ECE1: variants seen among roughly 807,000 people sequenced by gnomAD.
ECE1 encodes endothelin converting enzyme 1.
A neutral mutation model predicts 98.6 loss-of-function variants in ECE1; 35 were observed. The observed-to-expected ratio is 0.35, with a 90% confidence interval of 0.27 to 0.47. The LOEUF is 0.47. ECE1 is among the 20% of genes least tolerant of loss of function. The probability of loss-of-function intolerance (pLI) is 1.00; values close to 1 mark genes in which losing one functional copy is unlikely to be tolerated. For missense variants in ECE1, 814 were observed against 1,025.3 expected (o/e 0.79, Z 2.81); for synonymous variants, 394 against 407.1 (o/e 0.97, Z 0.39).
intron 1 of ECE1, chr1:21,299,756 A>G (rs1266592454): frequency 6.6e-6 from 1 of 152,248 alleles, no homozygotes; most frequent in Non-Finnish European, 1.5e-5. Context: ...TGTGAAGATA[A>G]AACGAGTAAC....
intron 10 of ECE1, among the ~76,000 whole-genome samples, chr1:21,244,653 A>G (rs925496788): frequency 1.3e-5 from 2 of 152,188 alleles, no homozygotes; most frequent in Admixed American, 6.5e-5. Flanking sequence ...TCTAAGGACC[A>G]GGTGCTGTTC....
In ECE1 at chr1:21,219,514, A is replaced by G. The variant is rs1434424244; in HGVS notation, c.*441T>C. ...CACAGGTTATTTAGAAAAACAGAAC[A>G]TAATAAATATACCAATTCTTTCCTT... On this transcript the variant is annotated 3_prime_UTR_variant, in exon 19 of 19. Transcript: ENST00000374893. The surrounding 1 kb of genome is among the most constrained non-coding windows in gnomAD (Gnocchi z 4.5). 1 of 188,844 alleles carries G rather than the reference A, an allele frequency of 5.3e-6. No homozygotes were observed. Among genetic ancestry groups the G allele is most frequent in the African/African-American group, 2.3e-5 (1 of 42,984 alleles). The allele number at this position is 188,844 out of a possible 1,614,324, so 11.7% of individuals were successfully genotyped here. A position where few individuals can be genotyped will look rare whatever the true frequency, so the allele number is the denominator to read the frequency against.
chr1:21,330,127 T>G lies in ECE1; in HGVS notation c.3+15249A>C, dbSNP rs569752104. On this transcript the variant is annotated intron_variant, in intron 1 of 18. Transcript: ENST00000415912. ...TAAAGGCTCCTGCCCACATACTCACTAAATACTTTTTTTTTTTTTTTTTTT... is the reference window on the plus strand; with the variant it reads ...TAAAGGCTCCTGCCCACATACTCACGAAATACTTTTTTTTTTTTTTTTTTT... Among the ~76,000 whole-genome samples the G allele has an allele frequency of 6.4e-3, 842 of 132,322 alleles. 9 individuals carry two copies. The highest frequency in any genetic ancestry group is 0.021 in the South Asian group (81 of 3,844). 86.8% of individuals were successfully genotyped at this position (132,322 alleles called of 152,430 possible). A position where few individuals can be genotyped will look rare whatever the true frequency, so the allele number is the denominator to read the frequency against.
intron 2 of ECE1, among the ~76,000 whole-genome samples, chr1:21,289,072 T>C (rs947338983): frequency 1.3e-5 from 2 of 152,032 alleles, no homozygotes; most frequent in African/African-American, 2.4e-5. Context: ...CTGAGTGGAG[T>C]GGGCCTGGCA....
chr1:21,267,956 G>A (rs2098235983), intron 4 of ECE1, among the ~76,000 whole-genome samples: 1 of 152,246 alleles, frequency 6.6e-6, no homozygotes, highest in Non-Finnish European at 1.5e-5. Context: ...AGGGAGACTG[G>A]AAGGCAGACT....
chr1:21,290,775 GT>G (rs1268941397), upstream of ECE1, among the ~76,000 whole-genome samples: 4 of 152,218 alleles, frequency 2.6e-5, no homozygotes, highest in African/African-American at 9.6e-5. The surrounding 1 kb of genome is among the most constrained non-coding windows in gnomAD (Gnocchi z 7.3). Context: ...ATCAAGACAG[GT>G]TCCCCCCGGC....
rs553852884 is a variant in ECE1 at position 21,327,360 on chromosome 1, G to A, written c.3+18016C>T. On this transcript the variant is annotated intron_variant, in intron 1 of 18. Transcript: ENST00000415912. The surrounding 1 kb of genome is among the most constrained non-coding windows in gnomAD (Gnocchi z 4.6). ...TTCTCATTTGTCAAAGCGACGGGCTGATCCCCTGCCCCACTCCAATCAATC... is the reference window on the plus strand; with the variant it reads ...TTCTCATTTGTCAAAGCGACGGGCTAATCCCCTGCCCCACTCCAATCAATC... 1.0e-3 allele frequency among the ~76,000 whole-genome samples: 156 copies of A among 152,240 alleles called. No homozygotes were observed. Among genetic ancestry groups the A allele is most frequent in the African/African-American group, 3.6e-3 (151 of 41,542 alleles).
chr1:21,219,735 G>C lies in ECE1; in HGVS notation c.*220C>G. The C allele has an allele frequency of 1.6e-6, 1 of 608,420 alleles. No homozygotes were observed. Among genetic ancestry groups the C allele is most frequent in the South Asian group, 1.9e-5 (1 of 53,432 alleles). The allele number at this position is 608,420 out of a possible 1,614,324, so 37.7% of individuals were successfully genotyped here. ...AGCACCCGAATGCCTGCTGAAGGTG[G>C]CGCACACGTGTGCCTGGGATGTCCG... On this transcript the variant is annotated 3_prime_UTR_variant, in exon 19 of 19. Coordinates refer to ENST00000374893, the MANE Select transcript of ECE1 (RefSeq NM_001397.3). The surrounding 1 kb of genome is among the most constrained non-coding windows in gnomAD (Gnocchi z 4.5).
chr1:21,245,019 C>T lies in ECE1; in HGVS notation c.1248G>A (p.Lys416=), dbSNP rs760122134. Residue 416 remains lysine, a synonymous_variant, in exon 10 of 19, where the codon AAG becomes AAA. Coordinates refer to ENST00000374893, the MANE Select transcript of ECE1 (RefSeq NM_001397.3). ...TGGTCCCGTACATGACTTCCATGAACTTCTCATCGGCGTCCTGAAAGCGCT... is the reference window on the plus strand; with the variant it reads ...TGGTCCCGTACATGACTTCCATGAATTTCTCATCGGCGTCCTGAAAGCGCT... ...LDQRFQDADE[K]FMEVMYGTKK... 6.2e-7 allele frequency: 1 copy of T among 1,614,180 alleles called. No individual in the cohort carries two copies. Among genetic ancestry groups the T allele is most frequent in the Non-Finnish European group, 8.5e-7 (1 of 1,180,020 alleles).
chr1:21,338,882 ACT>A (rs1335679674), intron 1 of ECE1, among the ~76,000 whole-genome samples: 1 of 152,094 alleles, frequency 6.6e-6, no homozygotes, highest in African/African-American at 2.4e-5. Context: ...CTGTAACCTA[ACT>A]CTGCCTGGCT....
chr1:21,251,909 C>A (rs2098213340), intron 8 of ECE1, among the ~76,000 whole-genome samples: 3 of 152,180 alleles, frequency 2.0e-5, no homozygotes, highest in Admixed American at 2.0e-4. Flanking sequence ...TGGTAGGAGG[C>A]CCTCAGGCAG....
At position 21,257,515 on chromosome 1, in the gene ECE1, G is replaced by A. The variant is rs535451074; in HGVS notation, c.828+10C>T. On this transcript the variant is annotated intron_variant, in intron 7 of 18. Coordinates refer to ENST00000374893, the MANE Select transcript of ECE1 (RefSeq NM_001397.3). ...TGGGAGGCAGGCTGGGAGGGGAGAG[G>A]CACGCTTACCTTCTCGTTTTCAGTT... 2 of 1,614,102 alleles carry A rather than the reference G, an allele frequency of 1.2e-6. No individual in the cohort carries two copies. Among genetic ancestry groups the A allele is most frequent in the African/African-American group, 2.7e-5 (2 of 75,072 alleles).
intron 8 of ECE1, among the ~76,000 whole-genome samples, 191 bp from the exon 9 acceptor site, chr1:21,247,554 T>G (rs1450000269): frequency 6.6e-6 from 1 of 151,730 alleles, no homozygotes; most frequent in African/African-American, 2.4e-5. Context: ...TTCTAAGGAG[T>G]CCAACACCAA....
intron 1 of ECE1, among the ~76,000 whole-genome samples, chr1:21,334,368 C>T (rs1198843639): frequency 6.6e-6 from 1 of 152,214 alleles, no homozygotes; most frequent in Non-Finnish European, 1.5e-5. Context: ...CACTCAGGGG[C>T]GAAGGAAGAT....
In ECE1 at chr1:21,257,561, C is replaced by A. The variant is rs199920950; in HGVS notation, c.792G>T (p.Ser264=). The A allele has an allele frequency of 2.0e-5, 32 of 1,614,210 alleles. No individual in the cohort carries two copies. Among genetic ancestry groups the A allele is most frequent in the Non-Finnish European group, 1.0e-5 (12 of 1,180,044 alleles). ...CAGTTTTGTTCAGGTAATAGTCTCT[C>A]GAGGGCAAGCCCAGGCCAGACTGGT... ...QVDQSGLGLP[S]RDYYLNKTEN... is the part of the protein sequence containing the mutation. The change falls in exon 7 of 19, where the codon TCG becomes TCT. Residue 264 remains serine (S), a synonymous_variant. Coordinates refer to ENST00000374893, the MANE Select transcript of ECE1 (RefSeq NM_001397.3).
At position 21,236,636 on chromosome 1, in the gene ECE1, C is replaced by T. The variant is rs189620090; in HGVS notation, c.1488+110G>A. The T allele has an allele frequency of 4.0e-4, 438 of 1,105,844 alleles. No homozygotes were observed. In the African/African-American group the frequency reaches 5.8e-3, roughly 15 times the overall value. 68.5% of individuals were successfully genotyped at this position (1,105,844 alleles called of 1,614,324 possible). ...AGCACTCCAGCCTGGGTAACAAGAACGAAACTCTGCCTCAAAAAACAAACA... is the reference window on the plus strand; with the variant it reads ...AGCACTCCAGCCTGGGTAACAAGAATGAAACTCTGCCTCAAAAAACAAACA... On this transcript the variant is annotated intron_variant, in intron 12 of 18. Transcript: ENST00000374893.
At chr1:21,271,372 A>C (rs998108816) in intron 4 of ECE1, among the ~76,000 whole-genome samples, 3 of 152,140 alleles carry the variant, frequency 2.0e-5, no homozygotes, top group Non-Finnish European at 4.4e-5. Context: ...ATTTAGAATC[A>C]TTTCCTGTCT....
At chr1:21,264,821 C>A (rs1004485893) in intron 4 of ECE1, among the ~76,000 whole-genome samples, 1 of 152,150 alleles carries the variant, frequency 6.6e-6, no homozygotes, top group African/African-American at 2.4e-5. Context: ...AGAAATGCCA[C>A]CCTGGGTGAC....
At chr1:21,271,928 T>C (rs753568203) in intron 4 of ECE1, among the ~76,000 whole-genome samples, 16 of 151,848 alleles carry the variant, frequency 1.1e-4, no homozygotes, top group Admixed American at 2.6e-4. Context: ...AGAACTTTCA[T>C]TGGATCACAA....
Sources: allele counts gnomAD v4.1 joint callset (sites outside exome capture counted in the v4.1 genomes callset), GRCh38; gene constraint gnomAD v4.1.1; non-coding constraint Gnocchi (gnomAD v3.1); transcripts MANE v1.5; gene names NCBI Gene and HGNC (gene_info 2026-07-23, HGNC 2026-07-21).